The following PCDH15 variants were observed in gnomAD, a reference collection of about 807,000 sequenced individuals.
PCDH15 encodes the protein protocadherin-15.
Under a neutral mutation model 178.5 loss-of-function variants are expected in PCDH15, and 129 were observed. The ratio of observed to expected loss-of-function variants is 0.72; its 90% CI spans 0.63 to 0.84. PCDH15 has a LOEUF of 0.84. Among genes scored for constraint, PCDH15 ranks in the 40% least tolerant of loss-of-function variants. The pLI is 0.00. For synonymous variants in PCDH15, 800 were observed against 732.0 expected (o/e 1.09, Z -1.50); for missense variants, 2,230 against 2,099.9 (o/e 1.06, Z -1.21).
intron 32 of PCDH15, among the ~76,000 whole-genome samples, chr10:53,820,852 T>A (rs2076235182): frequency 6.6e-6 from 1 of 152,026 alleles, no homozygotes; most frequent in African/African-American, 2.4e-5. Flanking sequence ...ACAGTTTTAT[T>A]TTCTTTGTTT....
At chr10:54,234,931 G>A (rs1239287669) in intron 9 of PCDH15, among the ~76,000 whole-genome samples, 5 of 152,082 alleles carry the variant, frequency 3.3e-5, no homozygotes, top group Admixed American at 3.3e-4. Context: ...AGGCTCTCTA[G>A]TTTCTGCTCT....
chr10:54,612,343 C>T (rs114953210), intron 2 of PCDH15, among the ~76,000 whole-genome samples: 1,926 of 151,910 alleles, frequency 0.013, 44 homozygotes, highest in African/African-American at 0.044. Flanking sequence ...CACAGAGTGG[C>T]ATGAAAAGGT....
rs182363560 is a variant in PCDH15, at chr10:54,338,429, A to T, written c.594+7936T>A. On this transcript the variant is annotated intron_variant, in intron 6 of 37. Coordinates refer to ENST00000644397, the MANE Select transcript of PCDH15 (RefSeq NM_001384140.1). ...TTTGGACTTTGACATATATACACAC[A>T]CACAGAACTACTTCAGGATGGTGAT... Among the ~76,000 whole-genome samples the T allele has an allele frequency of 1.5e-3, 227 of 152,240 alleles. 1 individual carries two copies. In the South Asian group the frequency reaches 0.015, roughly 10 times the overall value.
chr10:54,995,363 G>A (rs550695276), intron 2 of PCDH15, among the ~76,000 whole-genome samples: 16 of 139,002 alleles, frequency 1.2e-4, no homozygotes, highest in African/African-American at 4.3e-4. Context: ...ACGACAGAGC[G>A]AGACTACGAC....
chr10:54,289,277 G>T (rs1250721236), intron 8 of PCDH15, among the ~76,000 whole-genome samples: 3 of 152,172 alleles, frequency 2.0e-5, no homozygotes, highest in African/African-American at 7.2e-5. Context: ...GCAGCTGAGG[G>T]ACCTGAATGT....
chr10:54,656,262 A>C lies in PCDH15; in HGVS notation c.91+7910T>G, dbSNP rs563446303. ...GACCTGTCAGAGAACCCACAAGAAG[A>C]AGCTAGGGTACAGAAAAAGAAAGCA... On this transcript the variant is annotated intron_variant, in intron 2 of 37. Coordinates refer to ENST00000644397, the MANE Select transcript of PCDH15 (RefSeq NM_001384140.1). Among the ~76,000 whole-genome samples the C allele has an allele frequency of 8.5e-5, 13 of 152,214 alleles. No individual in the cohort carries two copies. The East Asian group carries it at 2.1e-3, about 25-fold the overall frequency.
At chr10:54,277,944 T>C (rs372531558) in intron 8 of PCDH15, among the ~76,000 whole-genome samples, 11 of 151,566 alleles carry the variant, frequency 7.3e-5, no homozygotes, top group East Asian at 3.9e-4. Context: ...AGCACACATT[T>C]GTAATTTGAG....
At chr10:55,530,356 T>A (rs1307510323) in intron 2 of PCDH15, among the ~76,000 whole-genome samples, 3 of 151,870 alleles carry the variant, frequency 2.0e-5, no homozygotes, top group African/African-American at 7.2e-5. Context: ...AAGCTTCACA[T>A]ATGAATTTTA....
At position 55,257,411 on chromosome 10, in the gene PCDH15, G is replaced by A. The variant is rs576339101; in HGVS notation, c.-156+62188C>T. On this transcript the variant is annotated intron_variant, in intron 1 of 5. Coordinates refer to the PCDH15 transcript ENST00000458638. ...GAGTTGAGAGAAGAAGGCTTCAGAC[G>A]ATCAAACTACTCTGAGCTAAAGGAG... Among the ~76,000 whole-genome samples, 119 of 152,138 alleles carry A rather than the reference G, an allele frequency of 7.8e-4. 2 individuals are homozygous for A. The South Asian group carries it at 0.023, about 30-fold the overall frequency.
chr10:54,964,779 T>C (rs561562237), intron 2 of PCDH15, among the ~76,000 whole-genome samples: 2 of 152,308 alleles, frequency 1.3e-5, no homozygotes, highest in East Asian at 1.9e-4. Context: ...GGTCAAGTTC[T>C]GAAAGGCAAT....
intron 2 of PCDH15, among the ~76,000 whole-genome samples, chr10:54,995,634 C>CA (rs374129959): frequency 1.9e-3 from 282 of 151,150 alleles, no homozygotes; most frequent in African/African-American, 6.4e-3. Context: ...AACCCTCCCC[C>CA]CCACGCCCCA....
chr10:55,359,739 T>TAC (rs1845180418), intron 2 of PCDH15, among the ~76,000 whole-genome samples: 1 of 117,314 alleles, frequency 8.5e-6, no homozygotes, highest in Admixed American at 9.4e-5. Context: ...TATATATATA[T>TAC]ATATATATAC....
intron 3 of PCDH15, among the ~76,000 whole-genome samples, chr10:54,830,156 C>A (rs983424436): frequency 1.9e-4 from 29 of 152,192 alleles, no homozygotes; most frequent in African/African-American, 6.7e-4. Context: ...CTAGTTCAAC[C>A]ATTGTGGAAG....
chr10:55,605,229 G>A (rs1843187048), intron 2 of PCDH15, among the ~76,000 whole-genome samples: 1 of 151,922 alleles, frequency 6.6e-6, no homozygotes, highest in Admixed American at 6.6e-5. Flanking sequence ...ACCAATAACA[G>A]GATCTGAAAT....
chr10:54,951,341 C>T (rs1275976828), intron 2 of PCDH15, among the ~76,000 whole-genome samples: 1 of 151,876 alleles, frequency 6.6e-6, no homozygotes, highest in African/African-American at 2.4e-5. Context: ...TTTAGATTGG[C>T]TTTTCTCACT....
chr10:55,584,643 G>A, intron 2 of PCDH15, among the ~76,000 whole-genome samples: 1 of 111,434 alleles, frequency 9.0e-6, no homozygotes. Context: ...GGGTGACAGA[G>A]CAAGACTCTG....
At chr10:54,975,433 A>G (rs888373317) in intron 2 of PCDH15, among the ~76,000 whole-genome samples, 6 of 152,168 alleles carry the variant, frequency 3.9e-5, no homozygotes, top group East Asian at 1.9e-4. Flanking sequence ...ATTTCTTTCC[A>G]TATTGTTGTT....
rs74667302 is a variant in PCDH15, at chr10:54,954,817, C to T, written c.-79-57317G>A. Among the ~76,000 whole-genome samples the T allele has an allele frequency of 6.4e-3, 966 of 151,258 alleles. 12 individuals are homozygous for T. Among genetic ancestry groups the T allele is most frequent in the African/African-American group, 0.022 (912 of 41,464 alleles). ...CTATAAAGAAGGAAGTTGATTAGTA[C>T]AGATCAGCATAAAATAATTTTGTTC... On this transcript the variant is annotated intron_variant, in intron 2 of 5. Coordinates refer to the PCDH15 transcript ENST00000458638.
At chr10:54,492,782 T>A (rs984553958) in intron 3 of PCDH15, among the ~76,000 whole-genome samples, 7 of 152,172 alleles carry the variant, frequency 4.6e-5, no homozygotes, top group African/African-American at 1.7e-4. Context: ...GTTGTTAATC[T>A]CTTACTGCCT....
Sources: gnomAD v4.1 joint callset for allele counts (sites outside exome capture counted in the v4.1 genomes callset) on GRCh38, gnomAD v4.1.1 for gene constraint, MANE v1.5 for transcripts, NCBI Gene and HGNC (gene_info 2026-07-23, HGNC 2026-07-21) for gene names.